PLD5: variants seen among roughly 807,000 people sequenced by gnomAD.
PLD5 encodes the protein inactive phospholipase D5.
Under a neutral mutation model 61.1 loss-of-function variants are expected in PLD5, and 36 were observed. That is an observed-to-expected ratio of 0.59 (90% CI 0.45 to 0.78). The LOEUF is 0.78. PLD5 is among the 30% of genes least tolerant of loss of function. The pLI, the probability that PLD5 is intolerant of heterozygous loss-of-function variation, is 0.00. For synonymous variants in PLD5, 243 were observed against 242.8 expected (o/e 1.00, Z -0.01); for missense variants, 515 against 644.4 (o/e 0.80, Z 2.17).
chr1:242,323,138 C>T (rs990077574), intron 2 of PLD5, among the ~76,000 whole-genome samples: 1 of 151,666 alleles, frequency 6.6e-6, no homozygotes, highest in Admixed American at 6.6e-5. Flanking sequence ...AAAAGAAATG[C>T]TTTATTCTTT....
chr1:242,153,814 T>A (rs1665131405), intron 5 of PLD5, among the ~76,000 whole-genome samples: 1 of 152,180 alleles, frequency 6.6e-6, no homozygotes, highest in African/African-American at 2.4e-5. Context: ...TCTTTTTGCT[T>A]AGGGTTATCT....
chr1:242,119,497 A>C (rs1662204625), intron 6 of PLD5, among the ~76,000 whole-genome samples: 1 of 152,174 alleles, frequency 6.6e-6, no homozygotes, highest in African/African-American at 2.4e-5. Context: ...TTACAACACA[A>C]ATTTTTTAAA....
intron 1 of PLD5, among the ~76,000 whole-genome samples, chr1:242,472,914 AT>A (rs980512409): frequency 7.2e-5 from 11 of 152,166 alleles, no homozygotes; most frequent in Non-Finnish European, 1.3e-4. Flanking sequence ...CTTAAAGATT[AT>A]TTTTAAGAAG....
intron 1 of PLD5, among the ~76,000 whole-genome samples, chr1:242,510,653 G>T (rs922753841): frequency 6.6e-6 from 1 of 152,104 alleles, no homozygotes; most frequent in Non-Finnish European, 1.5e-5. Context: ...AGACCATTCT[G>T]GATAACACGG....
chr1:242,371,728 A>C (rs750035076), intron 1 of PLD5, among the ~76,000 whole-genome samples: 11 of 152,154 alleles, frequency 7.2e-5, no homozygotes, highest in Non-Finnish European at 1.5e-4. Context: ...CTCTGATTAC[A>C]AGGGGGCTAC....
intron 1 of PLD5, among the ~76,000 whole-genome samples, chr1:242,500,599 C>T (rs937980373): frequency 1.3e-5 from 2 of 152,090 alleles, no homozygotes; most frequent in Non-Finnish European, 2.9e-5. Context: ...CAGTTGCAGT[C>T]AGTAACTAAG....
intron 1 of PLD5, among the ~76,000 whole-genome samples, chr1:242,388,789 T>C (rs1340869660): frequency 6.6e-6 from 1 of 151,952 alleles, no homozygotes; most frequent in East Asian, 1.9e-4. Flanking sequence ...ACCCCGTTTC[T>C]ACTAAAAAAT....
intron 7 of PLD5, among the ~76,000 whole-genome samples, chr1:242,109,960 C>A (rs188512820): frequency 2.6e-5 from 4 of 151,004 alleles, no homozygotes; most frequent in African/African-American, 9.7e-5. Context: ...AGGAAGGAGA[C>A]TATTAGAACA....
At chr1:242,469,746 A>C (rs916486749) in intron 1 of PLD5, among the ~76,000 whole-genome samples, 1 of 152,058 alleles carries the variant, frequency 6.6e-6, no homozygotes, top group African/African-American at 2.4e-5. Context: ...TGCACCACAC[A>C]TCTTGCTGTC....
chr1:242,469,557 C>G (rs1667376549), intron 1 of PLD5, among the ~76,000 whole-genome samples: 1 of 152,104 alleles, frequency 6.6e-6, no homozygotes, highest in South Asian at 2.1e-4. Flanking sequence ...GTGGCCCAGG[C>G]TGGGGTGCAG....
intron 1 of PLD5, among the ~76,000 whole-genome samples, chr1:242,435,271 A>G (rs1665934814): frequency 6.6e-6 from 1 of 152,056 alleles, no homozygotes; most frequent in Non-Finnish European, 1.5e-5. Context: ...GTGGTGAAAA[A>G]TCTGAGTCCC....
At chr1:242,394,161 A>T (rs188792187) in intron 1 of PLD5, among the ~76,000 whole-genome samples, 9 of 94,162 alleles carry the variant, frequency 9.6e-5, no homozygotes, top group African/African-American at 1.7e-4. Flanking sequence ...TATATATATG[A>T]GTATATATAT....
At chr1:242,486,539 A>T (rs1667967655) in intron 1 of PLD5, among the ~76,000 whole-genome samples, 1 of 152,254 alleles carries the variant, frequency 6.6e-6, no homozygotes, top group African/African-American at 2.4e-5. Flanking sequence ...TAGAATGGTG[A>T]TAAATAAAAA....
intron 5 of PLD5, among the ~76,000 whole-genome samples, chr1:242,194,618 G>GTATCTATCTATGTATC (rs71176721): frequency 1.9e-5 from 2 of 102,946 alleles, no homozygotes; most frequent in African/African-American, 3.9e-5. Context: ...ATCTATCTAT[G>GTATCTATCTATGTATC]TATCTATCTA....
At chr1:242,127,640 T>C (rs941218555) in intron 5 of PLD5, among the ~76,000 whole-genome samples, 2 of 151,756 alleles carry the variant, frequency 1.3e-5, no homozygotes, top group Non-Finnish European at 2.9e-5. Flanking sequence ...ATGACAGACT[T>C]TGGGGACTTG....
chr1:242,332,558 C>G (rs1437044290), intron 2 of PLD5, among the ~76,000 whole-genome samples: 1 of 152,196 alleles, frequency 6.6e-6, no homozygotes. Flanking sequence ...GTTTTCCTGA[C>G]TTTTTAATGC....
At chr1:242,331,913 TC>T (rs1460592529) in intron 2 of PLD5, among the ~76,000 whole-genome samples, 5 of 152,122 alleles carry the variant, frequency 3.3e-5, no homozygotes, top group Non-Finnish European at 5.9e-5. Flanking sequence ...ATACTTCATG[TC>T]CTGGGATACA....
At chr1:242,222,281 A>C (rs1016363342) in intron 4 of PLD5, among the ~76,000 whole-genome samples, 2 of 152,132 alleles carry the variant, frequency 1.3e-5, no homozygotes, top group East Asian at 1.9e-4. Context: ...CATCTTCTAC[A>C]TATCTTTCTG....
At chr1:242,202,847 T>C in intron 5 of PLD5, among the ~76,000 whole-genome samples, 1 of 152,134 alleles carries the variant, frequency 6.6e-6, no homozygotes, top group Non-Finnish European at 1.5e-5. Flanking sequence ...ATCCTGGCTC[T>C]TAATACAGGC....
Sources: gnomAD v4.1 joint callset for allele counts (sites outside exome capture counted in the v4.1 genomes callset) on GRCh38, gnomAD v4.1.1 for gene constraint, MANE v1.5 for transcripts, NCBI Gene and HGNC (gene_info 2026-07-23, HGNC 2026-07-21) for gene names.